Variants in GOLGB1 observed in about 807,000 individuals in gnomAD.
GOLGB1 encodes the protein golgin subfamily B member 1.
GOLGB1 carries 174 observed loss-of-function variants against 336.9 expected under a neutral mutation model. The ratio of observed to expected loss-of-function variants is 0.52; its 90% CI spans 0.46 to 0.59. The LOEUF is 0.59. GOLGB1 is among the 20% of genes least tolerant of loss of function. GOLGB1 has a pLI of 0.00. For missense variants in GOLGB1, 3,331 were observed against 3,645.3 expected, an observed-to-expected ratio of 0.91 and a Z score of 2.22; for synonymous variants, 1,208 against 1,289.2, an observed-to-expected ratio of 0.94 and a Z score of 1.35.
At chr3:121,702,709 C>T (rs1943508257) in intron 10 of GOLGB1, 114 bp from the exon 11 acceptor site, 1 of 414,134 alleles carries the variant, frequency 2.4e-6, no homozygotes, top group African/African-American at 2.0e-5. Context: ...CATGAAAATA[C>T]TTTAAAAATA....
At chr3:121,747,259 A>G (rs933727794) in intron 1 of GOLGB1, among the ~76,000 whole-genome samples, 19 of 136,590 alleles carry the variant, frequency 1.4e-4, no homozygotes, top group African/African-American at 3.7e-4. Flanking sequence ...CCATGTGTGT[A>G]TATATATATG....
Position 121,729,358 on chromosome 3 carries a change from T to G in GOLGB1, c.250-18A>C. 6.3e-7 allele frequency: 1 copy of G among 1,597,812 alleles called. No individual in the cohort carries two copies. The highest frequency in any genetic ancestry group is 1.1e-5 in the South Asian group (1 of 90,016). ...CTCTCTTCCTGCCCAAAAACAATGA[T>G]GGTAAATACATAAATGTTTATTCCC... On this transcript the variant is annotated intron_variant, in intron 3 of 21. Transcript: ENST00000614479.
At chr3:121,730,297 G>A (rs530317794) in intron 2 of GOLGB1, 8 of 276,698 alleles carry the variant, frequency 2.9e-5, no homozygotes, top group East Asian at 2.2e-4. Flanking sequence ...AACCAGTAAG[G>A]GTAAAAGGCC....
intron 1 of GOLGB1, among the ~76,000 whole-genome samples, chr3:121,746,561 T>A (rs1560349756): frequency 2.0e-5 from 3 of 152,106 alleles, no homozygotes; most frequent in Admixed American, 1.3e-4. Context: ...CACTACAATC[T>A]CTGCCTCCTG....
rs770297115 is a variant in GOLGB1, at chr3:121,718,504, G to A, written c.772-3C>T. 3.8e-6 allele frequency: 6 copies of A among 1,587,216 alleles called. No individual in the cohort carries two copies. In the South Asian group the frequency reaches 5.5e-5, roughly 15 times the overall value. On this transcript the variant is annotated splice_polypyrimidine_tract_variant and splice_region_variant and intron_variant, in intron 7 of 21. Coordinates refer to ENST00000614479, the MANE Select transcript of GOLGB1 (RefSeq NM_001366282.2). ...TTCCTTTGCAGCACCCTCAATTTCTGAGAAGAAAACATTTTAGACATAATA... is the reference window on the plus strand; with the variant it reads ...TTCCTTTGCAGCACCCTCAATTTCTAAGAAGAAAACATTTTAGACATAATA...
At position 121,722,229 on chromosome 3, in the gene GOLGB1, T is replaced by C. The variant is rs765304923; in HGVS notation, c.648+33A>G. 11 of 1,215,608 alleles carry C rather than the reference T, an allele frequency of 9.0e-6. No homozygotes were observed. In the East Asian group the frequency reaches 1.4e-4, roughly 15 times the overall value. The allele number at this position is 1,215,608 out of a possible 1,614,324, so 75.3% of individuals were successfully genotyped here. On this transcript the variant is annotated intron_variant, in intron 6 of 21. Coordinates refer to ENST00000614479, the MANE Select transcript of GOLGB1 (RefSeq NM_001366282.2). ...GTGCGTAATAACCCACTGGACTTCA[T>C]AGCTCTTTATCCTAATTTTGTGAGG...
intron 5 of GOLGB1, among the ~76,000 whole-genome samples, chr3:121,723,579 T>C (rs913245259): frequency 3.3e-4 from 51 of 152,352 alleles, no homozygotes; most frequent in African/African-American, 1.2e-3. Context: ...TCCTTTTCAC[T>C]TCTAAGTAGT....
chr3:121,684,528 G>C (rs891109950), intron 14 of GOLGB1, among the ~76,000 whole-genome samples: 1 of 152,088 alleles, frequency 6.6e-6, no homozygotes, highest in Non-Finnish European at 1.5e-5. Flanking sequence ...GGGAGAAAGG[G>C]AGGGAAGGTG....
chr3:121,681,727 G>A lies in GOLGB1; in HGVS notation c.8833C>T (p.Gln2945Ter), dbSNP rs1182322146. 1.2e-6 allele frequency: 2 copies of A among 1,612,448 alleles called. No individual in the cohort carries two copies. Among genetic ancestry groups the A allele is most frequent in the East Asian group, 4.5e-5 (2 of 44,870 alleles). The change falls in exon 15 of 22, where the codon CAG (glutamine) becomes TAG (stop). Residue 2945 changes from glutamine (Q) to a stop codon, truncating the protein, a stop_gained. Coordinates refer to ENST00000614479, the MANE Select transcript of GOLGB1 (RefSeq NM_001366282.2). LOFTEE classifies it high-confidence loss of function. ...TCATGCTGCCAGGAGAGGTTTTCCT[G>A]CCTGAGCTCTTCTTGCATAATCTGA... Reference protein sequence around the residue: ...AFQIMQEELRQENLSWQHELH... With the variant: ...AFQIMQEELR
In GOLGB1 at chr3:121,701,901, G is replaced by A. The variant is rs181126085; in HGVS notation, c.1519+580C>T. On this transcript the variant is annotated intron_variant, in intron 11 of 21. Coordinates refer to ENST00000614479, the MANE Select transcript of GOLGB1 (RefSeq NM_001366282.2). ...TGTTAAAAGTATACAAGGATGTTAT[G>A]GAAGCACAAAAAAATCATTTAACCC... is the stretch of plus-strand genomic sequence containing the variant. 7.2e-5 allele frequency among the ~76,000 whole-genome samples: 11 copies of A among 152,198 alleles called. No homozygotes were observed. In the East Asian group the frequency reaches 2.1e-3, roughly 29 times the overall value.
chr3:121,715,042 TC>T, intron 9 of GOLGB1, 66 bp from the exon 10 acceptor site: 2 of 866,438 alleles, frequency 2.3e-6, no homozygotes, highest in Non-Finnish European at 3.9e-6. Flanking sequence ...ATTATTATCT[TC>T]TAAAGATACA....
At chr3:121,699,403 C>T (rs148824306) in intron 12 of GOLGB1, among the ~76,000 whole-genome samples, 1 of 152,098 alleles carries the variant, frequency 6.6e-6, no homozygotes, top group East Asian at 1.9e-4. Context: ...GCAACCATAC[C>T]CTTCTTATAG....
At chr3:121,741,028 T>C (rs1310197034) in intron 1 of GOLGB1, among the ~76,000 whole-genome samples, 1 of 151,886 alleles carries the variant, frequency 6.6e-6, no homozygotes, top group Non-Finnish European at 1.5e-5. Context: ...AACAGCAATG[T>C]TTTTGCCAGA....
rs1254933677 is a variant in GOLGB1 at position 121,696,951 on chromosome 3, G to A, written c.3572C>T (p.Ser1191Phe). The change falls in exon 13 of 22, where the codon TCC (serine) becomes TTC (phenylalanine). Residue 1191 changes from serine to phenylalanine, a missense_variant. Transcript: ENST00000614479. ...LQKKLQEALT[S>F]RKAILKKAQE... is the part of the protein sequence containing the mutation. ...TGCCTTTTTAAGAATTGCCTTGCGG[G>A]AGGTTAAGGCTTCCTGTAGCTTCTT... 1.2e-6 allele frequency: 2 copies of A among 1,613,960 alleles called. No homozygotes were observed. Among genetic ancestry groups the A allele is most frequent in the South Asian group, 2.2e-5 (2 of 91,064 alleles).
chr3:121,692,491 G>A lies in GOLGB1; in HGVS notation c.6873C>T (p.Asn2291=), dbSNP rs1400125588. 1 of 1,613,866 alleles carries A rather than the reference G, an allele frequency of 6.2e-7. No homozygotes were observed. The highest frequency in any genetic ancestry group is 8.5e-7 in the Non-Finnish European group (1 of 1,179,868). ...CTTCTAGCTGGGACAAAAGTTCTTT[G>A]TTTTCCCCCTGTAGAGTATCACAGA... is the stretch of plus-strand genomic sequence containing the variant. ...QKVCDTLQGE[N]KELLSQLEET... The change falls in exon 14 of 22, where the codon AAC becomes AAT. Residue 2291 remains asparagine, a synonymous_variant. Coordinates refer to ENST00000614479, the MANE Select transcript of GOLGB1 (RefSeq NM_001366282.2).
At position 121,695,905 on chromosome 3, in the gene GOLGB1, CTTT is replaced by C. The variant is rs781420555; in HGVS notation, c.4615_4617del (p.Lys1539del). 6.2e-7 allele frequency: 1 copy of C among 1,613,578 alleles called. No individual in the cohort carries two copies. The highest frequency in any genetic ancestry group is 8.5e-7 in the Non-Finnish European group (1 of 1,179,874). On this transcript the variant is annotated inframe_deletion, in exon 13 of 22. Transcript: ENST00000614479. ...AGAGCTAACCTTCCTAAGACCGTAT[CTTT>C]TTCTTTATTTTGAGCAGAAACTTGG... is the stretch of plus-strand genomic sequence containing the variant.
chr3:121,713,855 G>A (rs190222933), intron 10 of GOLGB1, among the ~76,000 whole-genome samples: 54 of 152,218 alleles, frequency 3.5e-4, no homozygotes, highest in South Asian at 3.1e-3. Context: ...AGAGAGAAAT[G>A]TACTGATGTC....
Position 121,693,860 on chromosome 3 carries a change from A to G in GOLGB1, c.6663T>C (p.Ser2221=). ...DEAKKWERKF[S]DAIQSKEEEI... Reference sequence around the variant, plus strand: ...CTTCTTCTTTGCTTTGAATCGCATCACTAAACTTCCTCTCCCATTTCTTAG... The same window carrying G: ...CTTCTTCTTTGCTTTGAATCGCATCGCTAAACTTCCTCTCCCATTTCTTAG... The change falls in exon 13 of 22, where the codon AGT becomes AGC. Residue 2221 remains serine, a synonymous_variant. Transcript: ENST00000614479. 6.2e-7 allele frequency: 1 copy of G among 1,613,800 alleles called. No individual in the cohort carries two copies. Among genetic ancestry groups the G allele is most frequent in the Non-Finnish European group, 8.5e-7 (1 of 1,179,728 alleles).
chr3:121,726,818 C>T lies in GOLGB1; in HGVS notation c.531+95G>A, dbSNP rs1945651724. The T allele has an allele frequency of 8.4e-6, 7 of 837,848 alleles. No homozygotes were observed. In the South Asian group the frequency reaches 1.6e-4, roughly 19 times the overall value. The allele number at this position is 837,848 out of a possible 1,614,324, so 51.9% of individuals were successfully genotyped here. On this transcript the variant is annotated intron_variant, in intron 5 of 21. Transcript: ENST00000614479. ...ACTGATATATACATAGATAAATGCC[C>T]ATTGTGCATCTAGAAAAATGTATTT... is the stretch of plus-strand genomic sequence containing the variant.
Sources: gnomAD v4.1 joint callset for allele counts (sites outside exome capture counted in the v4.1 genomes callset) on GRCh38, gnomAD v4.1.1 for gene constraint, MANE v1.5 for transcripts, NCBI Gene and HGNC (gene_info 2026-07-23, HGNC 2026-07-21) for gene names.